Variants in AMPD3 observed in about 807,000 individuals in gnomAD.
AMPD3 encodes the protein adenosine monophosphate deaminase 3, also known as AMP deaminase 3.
Under a neutral mutation model 82.3 loss-of-function variants are expected in AMPD3, and 57 were observed. The ratio of observed to expected loss-of-function variants is 0.69; its 90% CI spans 0.56 to 0.86. AMPD3 has a LOEUF of 0.86. AMPD3 is among the 40% of genes least tolerant of loss of function. The probability of loss-of-function intolerance (pLI) is 0.00; values close to 1 mark genes in which losing one functional copy is unlikely to be tolerated. For missense variants in AMPD3, 870 were observed against 1,003.8 expected (o/e 0.87, Z 1.80); for synonymous variants, 381 against 394.7 (o/e 0.97, Z 0.41).
chr11:10,505,673 T>C, intron 14 of AMPD3, 35 bp from the exon 15 acceptor site: 2 of 1,608,962 alleles, frequency 1.2e-6, no homozygotes, highest in Non-Finnish European at 1.7e-6. Context: ...GAATCAAAAG[T>C]ATATAGTTTC....
rs956338794 is a variant in AMPD3, at chr11:10,504,618, A to T, written c.2086A>T (p.Ile696Phe). The T allele has an allele frequency of 4.3e-6, 7 of 1,614,182 alleles. No homozygotes were observed. Among genetic ancestry groups the T allele is most frequent in the Non-Finnish European group, 5.9e-6 (7 of 1,180,018 alleles). ...GCTGAGCACCTGCGACCTGTGTGAGATCGCCAGGAACAGCGTGCTGCAGAG... is the reference window on the plus strand; with the variant it reads ...GCTGAGCACCTGCGACCTGTGTGAGTTCGCCAGGAACAGCGTGCTGCAGAG... ...WKLSTCDLCE[I>F]ARNSVLQSGL... The change falls in exon 14 of 15, where the codon ATC becomes TTC. Residue 696 changes from isoleucine (I) to phenylalanine (F), a missense_variant. Transcript: ENST00000396553.
At chr11:10,504,207 GAA>G (rs1287203459) in intron 13 of AMPD3, 1 of 984,972 alleles carries the variant, frequency 1.0e-6, no homozygotes, top group Admixed American at 6.2e-5. Flanking sequence ...GTGTTAAAAA[GAA>G]AAGCTAGAGG....
rs763956294 is a variant in AMPD3 at position 10,496,970 on chromosome 11, A to G, written c.1557+32A>G. ...GTGGGTGGTGCCCTAGGCAGGGCTCATAGCGGCAGAGGCAGGAATGGATTC... is the reference window on the plus strand; with the variant it reads ...GTGGGTGGTGCCCTAGGCAGGGCTCGTAGCGGCAGAGGCAGGAATGGATTC... On this transcript the variant is annotated intron_variant, in intron 10 of 14. Transcript: ENST00000396553. 6.2e-6 allele frequency: 10 copies of G among 1,612,464 alleles called. No individual in the cohort carries two copies. In the South Asian group the frequency reaches 1.1e-4, roughly 18 times the overall value.
intron 3 of AMPD3, 49 bp downstream of exon 3, chr11:10,478,779 G>C (rs755048329): frequency 6.3e-7 from 1 of 1,582,756 alleles, no homozygotes; most frequent in Admixed American, 1.7e-5. Flanking sequence ...CAAAGGCCAG[G>C]GGCCCCATGG....
At chr11:10,505,404 C>T in intron 14 of AMPD3, 1 of 843,208 alleles carries the variant, frequency 1.2e-6, no homozygotes, top group Non-Finnish European at 1.3e-6. Flanking sequence ...GTCTTACCTC[C>T]TTCCCCTTTG....
In AMPD3 at chr11:10,457,941, C is replaced by G. The variant is rs528534845; in HGVS notation, c.-6+2493C>G. Among the ~76,000 whole-genome samples the G allele has an allele frequency of 9.1e-3, 942 of 103,840 alleles. 6 individuals are homozygous for G. The highest frequency in any genetic ancestry group is 0.026 in the Middle Eastern group (6 of 234). The allele number at this position is 103,840 out of a possible 152,430, so 68.1% of individuals were successfully genotyped here. A position where few individuals can be genotyped will look rare whatever the true frequency, so the allele number is the denominator to read the frequency against. ...GCTTCATGAGCAAACATGGCAGGAT[C>G]TGGCATAAGAGCCCTCAGACATCAA... On this transcript the variant is annotated intron_variant, in intron 1 of 14. Transcript: ENST00000396553.
chr11:10,455,492 G>A lies in AMPD3; in HGVS notation c.-6+44G>A, dbSNP rs990373794. 2.8e-5 allele frequency: 27 copies of A among 957,364 alleles called. No individual in the cohort carries two copies. In the South Asian group the frequency reaches 1.2e-3, roughly 43 times the overall value. 59.3% of individuals were successfully genotyped at this position (957,364 alleles called of 1,614,324 possible). A position where few individuals can be genotyped will look rare whatever the true frequency, so the allele number is the denominator to read the frequency against. ...GGGGTGGGCTCCGGTGGGTCAGTTG[G>A]GGTGTACTCCTTTTCTGTGTGTGTG... On this transcript the variant is annotated intron_variant, in intron 1 of 14. Coordinates refer to ENST00000396553, the MANE Select transcript of AMPD3 (RefSeq NM_001025389.2).
In AMPD3 at chr11:10,496,833, G is replaced by C; in HGVS notation, c.1452G>C (p.Lys484Asn). 1 of 1,614,184 alleles carries C rather than the reference G, an allele frequency of 6.2e-7. No individual in the cohort carries two copies. Among genetic ancestry groups the C allele is most frequent in the Non-Finnish European group, 8.5e-7 (1 of 1,180,020 alleles). ...CCAGTGACATATTTAGGTCAAAGAAGCTGCTGCCAAACTTTGGGAAGATGC... is the reference window on the plus strand; with the variant it reads ...CCAGTGACATATTTAGGTCAAAGAACCTGCTGCCAAACTTTGGGAAGATGC... ...PRIYDIFRSK[K>N]LLPNFGKMLE... Residue 484 changes from lysine to asparagine, a missense_variant, in exon 10 of 15, where the codon AAG becomes AAC. Coordinates refer to ENST00000396553, the MANE Select transcript of AMPD3 (RefSeq NM_001025389.2).
Position 10,493,353 on chromosome 11 carries a change from A to G in AMPD3, c.944A>G (p.Asp315Gly). ...HRDFYNVRKV[D>G]THIHAAACMN... ...CTGGTGGGCGCTGTGTTCCAGGTGG[A>G]CACACACATCCATGCGGCCGCCTGC... Residue 315 changes from aspartate to glycine, a missense_variant, in exon 7 of 15, where the codon GAC becomes GGC. By Grantham distance (94) the Asp-to-Gly change is moderately conservative. Transcript: ENST00000396553. 6.2e-7 allele frequency: 1 copy of G among 1,614,102 alleles called. No individual in the cohort carries two copies. Among genetic ancestry groups the G allele is most frequent in the Non-Finnish European group, 8.5e-7 (1 of 1,180,032 alleles).
At position 10,500,259 on chromosome 11, in the gene AMPD3, G is replaced by A. The variant is rs1341378977; in HGVS notation, c.1721+10G>A. 6.2e-7 allele frequency: 1 copy of A among 1,613,998 alleles called. No individual in the cohort carries two copies. Among genetic ancestry groups the A allele is most frequent in the African/African-American group, 1.3e-5 (1 of 74,916 alleles). On this transcript the variant is annotated intron_variant, in intron 11 of 14. Transcript: ENST00000396553. ...TCAACAACCTCCGCAGGTGCGTGAG[G>A]CCTGCCCTCGCACATGCTTGGGTTC...
intron 6 of AMPD3, among the ~76,000 whole-genome samples, chr11:10,489,187 A>C (rs1453816392): frequency 6.6e-6 from 1 of 152,204 alleles, no homozygotes; most frequent in Non-Finnish European, 1.5e-5. Flanking sequence ...AGACAGGTGG[A>C]TGCCTCCATC....
At chr11:10,483,427 A>T (rs1174955593) in intron 4 of AMPD3, among the ~76,000 whole-genome samples, 1 of 152,176 alleles carries the variant, frequency 6.6e-6, no homozygotes, top group Non-Finnish European at 1.5e-5. Flanking sequence ...TACTTTGAGC[A>T]TCTGGGGCCC....
At chr11:10,450,497 G>C, upstream of AMPD3, 3 of 985,876 alleles carry the variant, frequency 3.0e-6, no homozygotes, top group South Asian at 4.7e-5. Context: ...AAAGTTGTGC[G>C]GGGAGGGGAG....
At chr11:10,470,762 A>G (rs749384770) in intron 2 of AMPD3, among the ~76,000 whole-genome samples, 1 of 152,228 alleles carries the variant, frequency 6.6e-6, no homozygotes, top group Non-Finnish European at 1.5e-5. Context: ...AAGGGATGTG[A>G]AGGACCTCTT....
intron 4 of AMPD3, chr11:10,484,367 G>C (rs1014689011): frequency 1.0e-6 from 1 of 985,340 alleles, no homozygotes; most frequent in Non-Finnish European, 1.2e-6. Context: ...GCCTGGGCTC[G>C]GGACAGTTAT....
At chr11:10,451,378 C>T (rs958493662), upstream of AMPD3, among the ~76,000 whole-genome samples, 5 of 152,246 alleles carry the variant, frequency 3.3e-5, no homozygotes, top group African/African-American at 9.6e-5. Context: ...TGCTTGAGGA[C>T]TGGCTGGATG....
Position 10,506,974 on chromosome 11 carries a change from A to G in AMPD3, c.*1090A>G, listed in dbSNP as rs1037998. On this transcript the variant is annotated 3_prime_UTR_variant, in exon 15 of 15. Transcript: ENST00000396553. This position sits in a 1 kb window ranked among gnomAD's most constrained non-coding sequence, Gnocchi z 4.1. ...AGGCAAAATTTCTCCCTTATCTACT[A>G]TGATGACTTCAGAAGATACAATGGT... is the stretch of plus-strand genomic sequence containing the variant. 1 allele frequency: 151,908 copies of G among 152,662 alleles called. 75,579 individuals carry two copies. Among genetic ancestry groups the G allele is most frequent in the Middle Eastern group, 1 (294 of 294 alleles). 9.5% of individuals were successfully genotyped at this position (152,662 alleles called of 1,614,324 possible). A position where few individuals can be genotyped will look rare whatever the true frequency, so the allele number is the denominator to read the frequency against.
rs1322467352 is a variant in AMPD3 at position 10,482,222 on chromosome 11, C to G, written c.586C>G (p.Pro196Ala). Reference sequence around the variant, plus strand: ...TACTGCACCTCCGGAAGAGGGCCTTCCAGGTATGGAGCTCTGGCTGGAGGT... The same window carrying G: ...TACTGCACCTCCGGAAGAGGGCCTTGCAGGTATGGAGCTCTGGCTGGAGGT... ...ADTAPPEEGL[P>A]DFHPPPLPQE... is the part of the protein sequence containing the mutation. Residue 196 changes from proline (P) to alanine (A), a missense_variant, in exon 4 of 15, where the codon CCA becomes GCA. By Grantham distance (27) the Pro-to-Ala change is conservative. Transcript: ENST00000396553. 1.2e-6 allele frequency: 2 copies of G among 1,611,696 alleles called. No homozygotes were observed. Among genetic ancestry groups the G allele is most frequent in the South Asian group, 2.2e-5 (2 of 90,996 alleles).
chr11:10,479,628 T>C (rs1387169794), intron 3 of AMPD3, among the ~76,000 whole-genome samples: 1 of 152,262 alleles, frequency 6.6e-6, no homozygotes, highest in Admixed American at 6.5e-5. Context: ...GGTTTTAGTT[T>C]CTTATGTATT....
Sources: allele counts gnomAD v4.1 joint callset (sites outside exome capture counted in the v4.1 genomes callset), GRCh38; gene constraint gnomAD v4.1.1; non-coding constraint Gnocchi (gnomAD v3.1); transcripts MANE v1.5; gene names NCBI Gene and HGNC (gene_info 2026-07-23, HGNC 2026-07-21).